Variants in ASH1L observed in about 807,000 individuals in gnomAD.
ASH1L encodes ASH1 like histone lysine methyltransferase.
A neutral mutation model predicts 269.0 loss-of-function variants in ASH1L; 23 were observed. The observed-to-expected ratio is 0.09, with a 90% CI of 0.06 to 0.12. ASH1L has a LOEUF of 0.12. Ranked by LOEUF, ASH1L falls within the 10% of genes least tolerant of loss-of-function variation. The pLI is 1.00. For missense variants in ASH1L, 2,912 were observed against 3,567.8 expected (o/e 0.82, Z 4.68); for synonymous variants, 1,187 against 1,253.5 (o/e 0.95, Z 1.12).
chr1:155,377,142 G>A (rs1403986620), intron 10 of ASH1L, among the ~76,000 whole-genome samples: 2 of 151,378 alleles, frequency 1.3e-5, no homozygotes, highest in African/African-American at 4.9e-5. Context: ...CCCGACCTCA[G>A]GTGACCTGCC....
intron 5 of ASH1L, among the ~76,000 whole-genome samples, chr1:155,425,487 G>A (rs1024046139): frequency 1.3e-5 from 2 of 150,584 alleles, no homozygotes; most frequent in African/African-American, 2.5e-5. Context: ...TGCCCAGGCT[G>A]GAGTGCAATG....
chr1:155,375,756 C>T (rs1465688299), intron 10 of ASH1L, among the ~76,000 whole-genome samples: 1 of 151,688 alleles, frequency 6.6e-6, no homozygotes, highest in East Asian at 1.9e-4. Context: ...TGAGATTGTG[C>T]CATTGCACTC....
intron 12 of ASH1L, among the ~76,000 whole-genome samples, chr1:155,363,963 ACT>A (rs1389822342): frequency 9.3e-5 from 14 of 150,430 alleles, no homozygotes; most frequent in African/African-American, 3.2e-4. Flanking sequence ...ACAGAGCAAG[ACT>A]CTGTCTCAAA....
At chr1:155,429,244 A>C (rs933574578) in intron 5 of ASH1L, among the ~76,000 whole-genome samples, 2 of 152,170 alleles carry the variant, frequency 1.3e-5, no homozygotes, top group African/African-American at 4.8e-5. Flanking sequence ...GAGACACAAT[A>C]GTATATGTCC....
chr1:155,403,095 G>T (rs1297854002), intron 6 of ASH1L, among the ~76,000 whole-genome samples: 1 of 151,690 alleles, frequency 6.6e-6, no homozygotes, highest in Non-Finnish European at 1.5e-5. Flanking sequence ...TGAGACAGGA[G>T]AATCGCTTGA....
chr1:155,519,746 C>T (rs1187205153), intron 2 of ASH1L, among the ~76,000 whole-genome samples: 1 of 152,018 alleles, frequency 6.6e-6, no homozygotes, highest in Non-Finnish European at 1.5e-5. Context: ...GCAACCTCTG[C>T]CTCCTGGATT....
Position 155,492,068 on chromosome 1 carries a change from CTT to C in ASH1L, c.421-9621_421-9620del, listed in dbSNP as rs1202160196. 3.4e-5 allele frequency among the ~76,000 whole-genome samples: 4 copies of C among 117,944 alleles called. No homozygotes were observed. The Admixed American group carries it at 4.1e-4, about 12-fold the overall frequency. 77.4% of individuals were successfully genotyped at this position (117,944 alleles called of 152,430 possible). A position where few individuals can be genotyped will look rare whatever the true frequency, so the allele number is the denominator to read the frequency against. On this transcript the variant is annotated intron_variant, in intron 2 of 27. Coordinates refer to ENST00000392403, the MANE Select transcript of ASH1L (RefSeq NM_018489.3). ...TTTTTTTTTTTGATGGAGTTTCACT[CTT>C]GTTGCCCAGGCTAAGAGTGCAATGG...
chr1:155,375,054 T>C (rs1430549137), intron 10 of ASH1L, among the ~76,000 whole-genome samples: 1 of 152,140 alleles, frequency 6.6e-6, no homozygotes, highest in African/African-American at 2.4e-5. Flanking sequence ...CCTCAAGTGA[T>C]CTGCCTACCT....
intron 2 of ASH1L, among the ~76,000 whole-genome samples, chr1:155,507,178 G>T (rs1390905391): frequency 1.3e-5 from 2 of 151,804 alleles, no homozygotes; most frequent in Non-Finnish European, 2.9e-5. Flanking sequence ...TACTCGGGAG[G>T]CTGAGGCAGG....
chr1:155,346,022 TG>T, intron 21 of ASH1L: 2 of 462,036 alleles, frequency 4.3e-6, no homozygotes, highest in Non-Finnish European at 7.4e-6. Flanking sequence ...TTAGTAGAGA[TG>T]GGGTTTCACC....
intron 1 of ASH1L, among the ~76,000 whole-genome samples, chr1:155,535,790 G>C (rs1670013644): frequency 6.6e-6 from 1 of 152,132 alleles, no homozygotes; most frequent in Non-Finnish European, 1.5e-5. Flanking sequence ...GGTTGGGTTG[G>C]GAGTTTGAGA....
rs1558151931 is a variant in ASH1L, at chr1:155,481,272, T to C, written c.1598A>G (p.Lys533Arg). The stretch of plus-strand genomic sequence containing the variant: ...AGATACATCAGAAGCACCTCCCATT[T>C]TAAAGTCCGGAGAAGTGCAATATAC... ...PPVYCTSPDF[K>R]MGGASDVSTA... The change falls in exon 3 of 28, where the codon AAA becomes AGA. Residue 533 changes from lysine (K) to arginine (R), a missense_variant. Transcript: ENST00000392403. 1.4e-5 allele frequency: 23 copies of C among 1,613,994 alleles called. No homozygotes were observed. Among genetic ancestry groups the C allele is most frequent in the Non-Finnish European group, 1.7e-5 (20 of 1,179,992 alleles).
chr1:155,442,659 T>G (rs949499291), intron 4 of ASH1L, among the ~76,000 whole-genome samples: 1 of 151,244 alleles, frequency 6.6e-6, no homozygotes, highest in African/African-American at 2.4e-5. Flanking sequence ...CTTACAACTC[T>G]TAAAAAGGCT....
intron 2 of ASH1L, among the ~76,000 whole-genome samples, chr1:155,508,578 T>C (rs1667966904): frequency 6.6e-6 from 1 of 152,220 alleles, no homozygotes; most frequent in South Asian, 2.1e-4. Context: ...AGGCGGAGAT[T>C]GCAGTGAGCC....
chr1:155,471,486 G>A (rs868085197), intron 3 of ASH1L, among the ~76,000 whole-genome samples: 1 of 152,284 alleles, frequency 6.6e-6, no homozygotes, highest in South Asian at 2.1e-4. Context: ...CTACCTAACA[G>A]AGCCCCAATA....
chr1:155,446,866 G>A (rs1230745247), intron 4 of ASH1L, among the ~76,000 whole-genome samples: 1 of 151,262 alleles, frequency 6.6e-6, no homozygotes, highest in Non-Finnish European at 1.5e-5. Flanking sequence ...GCCTCTCAAA[G>A]TGCTGGGATT....
intron 1 of ASH1L, among the ~76,000 whole-genome samples, chr1:155,543,308 C>G (rs551664250): frequency 1.3e-5 from 2 of 151,410 alleles, no homozygotes; most frequent in African/African-American, 2.4e-5. Context: ...GTCAGGAGTT[C>G]GACACCAGCC....
intron 5 of ASH1L, among the ~76,000 whole-genome samples, chr1:155,419,126 C>T (rs1477686794): frequency 6.6e-6 from 1 of 151,938 alleles, no homozygotes; most frequent in Non-Finnish European, 1.5e-5. Flanking sequence ...AGGGGCCGAG[C>T]ACAGTGGCTC....
At chr1:155,551,556 A>C (rs988552485) in intron 1 of ASH1L, among the ~76,000 whole-genome samples, 2 of 145,992 alleles carry the variant, frequency 1.4e-5, no homozygotes, top group Non-Finnish European at 3.0e-5. Flanking sequence ...GCTACTTGGG[A>C]GGCTGAGGCA....
Sources: gnomAD v4.1 joint callset for allele counts (sites outside exome capture counted in the v4.1 genomes callset) on GRCh38, gnomAD v4.1.1 for gene constraint, MANE v1.5 for transcripts, NCBI Gene and HGNC (gene_info 2026-07-23, HGNC 2026-07-21) for gene names.